The following STRN variants were observed in gnomAD, a reference collection of about 807,000 sequenced individuals.
STRN encodes striatin.
Under a neutral mutation model 96.3 loss-of-function variants are expected in STRN, and 53 were observed. The ratio of observed to expected loss-of-function variants is 0.55; its 90% CI spans 0.44 to 0.69. The LOEUF (loss-of-function observed/expected upper bound fraction) is 0.69, where lower values mean the gene tolerates loss of function less well. Ranked by LOEUF, STRN falls within the 30% of genes least tolerant of loss-of-function variation. STRN has a pLI of 0.00. For synonymous variants in STRN, 428 were observed against 355.9 expected (o/e 1.20, Z -2.28); for missense variants, 987 against 963.9 (o/e 1.02, Z -0.32).
chr2:36,853,087 G>A (rs1052087212), intron 15 of STRN, among the ~76,000 whole-genome samples: 1 of 152,100 alleles, frequency 6.6e-6, no homozygotes, highest in Non-Finnish European at 1.5e-5. Flanking sequence ...AGCCCAGGAG[G>A]TGGAGGTTGC....
chr2:36,850,884 G>T, intron 16 of STRN, 116 bp downstream of exon 16: 1 of 651,082 alleles, frequency 1.5e-6, no homozygotes, highest in African/African-American at 1.8e-5. Flanking sequence ...GAGTATTTGG[G>T]GTTCAGTGCC....
At chr2:36,887,843 G>A (rs1270086643) in intron 7 of STRN, among the ~76,000 whole-genome samples, 1 of 152,152 alleles carries the variant, frequency 6.6e-6, no homozygotes, top group African/African-American at 2.4e-5. Flanking sequence ...ACTATGTTAT[G>A]TATTTATATT....
chr2:36,876,285 A>AT (rs1036942883), intron 10 of STRN, among the ~76,000 whole-genome samples: 7 of 58,610 alleles, frequency 1.2e-4, no homozygotes, highest in Admixed American at 3.6e-4. Flanking sequence ...AAAAAAAAAA[A>AT]TTTTTTTTTT....
chr2:36,849,604 A>G lies in STRN; in HGVS notation c.2195T>C (p.Leu732Ser). 6.2e-7 allele frequency: 1 copy of G among 1,614,160 alleles called. No homozygotes were observed. Among genetic ancestry groups the G allele is most frequent in the Non-Finnish European group, 8.5e-7 (1 of 1,180,000 alleles). Residue 732 changes from leucine (L) to serine (S), a missense_variant, in exon 18 of 18, where the codon TTA (leucine) becomes TCA (serine). Transcript: ENST00000263918. ...ACACGTCTTACTTTCTAGATTCCAT[A>G]AACGTATTGAACAGTCATGACCTAT... ...MSGSHDCSIRLWNLESKTCIQ... is the reference protein window; with the variant it reads ...MSGSHDCSIRSWNLESKTCIQ...
intron 10 of STRN, among the ~76,000 whole-genome samples, chr2:36,876,766 G>C (rs1257756077): frequency 1.7e-5 from 2 of 118,650 alleles, no homozygotes; most frequent in Non-Finnish European, 1.8e-5. Context: ...TTTTTTTTTT[G>C]AGGCGGAGTC....
chr2:36,929,662 T>C (rs1246236170), intron 1 of STRN, among the ~76,000 whole-genome samples: 1 of 152,172 alleles, frequency 6.6e-6, no homozygotes, highest in Non-Finnish European at 1.5e-5. Context: ...GGATTACAGG[T>C]GTGAGCCACC....
chr2:36,874,290 T>G (rs1215376184), intron 10 of STRN, among the ~76,000 whole-genome samples: 1 of 149,642 alleles, frequency 6.7e-6, no homozygotes, highest in Non-Finnish European at 1.5e-5. Context: ...GCAAAAACTG[T>G]AAGACCTCAA....
At chr2:36,865,379 T>A (rs996571320) in intron 12 of STRN, among the ~76,000 whole-genome samples, 3 of 152,180 alleles carry the variant, frequency 2.0e-5, no homozygotes, top group African/African-American at 7.2e-5. Flanking sequence ...TCTTTATTAG[T>A]TTAGCTAGTG....
intron 3 of STRN, among the ~76,000 whole-genome samples, chr2:36,910,643 A>G (rs893833824): frequency 6.6e-6 from 1 of 152,238 alleles, no homozygotes; most frequent in East Asian, 1.9e-4. Flanking sequence ...AAAATATTTG[A>G]TAATTCAAAA....
At chr2:36,866,125 TGTGCAG>T (rs1668616011) in intron 12 of STRN, among the ~76,000 whole-genome samples, 1 of 152,000 alleles carries the variant, frequency 6.6e-6, no homozygotes, top group Non-Finnish European at 1.5e-5. Context: ...CCCAGGCTGG[TGTGCAG>T]TGGCATGACC....
intron 1 of STRN, among the ~76,000 whole-genome samples, chr2:36,938,240 A>T (rs964294686): frequency 3.3e-5 from 5 of 152,054 alleles, no homozygotes; most frequent in Non-Finnish European, 7.4e-5. Flanking sequence ...AGCCTGGCTG[A>T]CATGGCAAAA....
intron 1 of STRN, among the ~76,000 whole-genome samples, chr2:36,938,631 A>G (rs1670766057): frequency 1.3e-5 from 2 of 152,186 alleles, no homozygotes; most frequent in Non-Finnish European, 2.9e-5. Context: ...GCGTTTTTAC[A>G]GTGTTGTCAA....
In STRN at chr2:36,849,186, A is replaced by G. The variant is rs1668155872; in HGVS notation, c.*270T>C. 7.5e-6 allele frequency: 3 copies of G among 400,340 alleles called. No homozygotes were observed. The Admixed American group carries it at 1.2e-4, about 16-fold the overall frequency. 24.8% of individuals were successfully genotyped at this position (400,340 alleles called of 1,614,324 possible). The stretch of plus-strand genomic sequence containing the variant: ...TTCGCTCAGGCCTGCCTAGCGAATT[A>G]GAACCACCTCAGAAATAAAGGCGCC... On this transcript the variant is annotated 3_prime_UTR_variant, in exon 18 of 18. Coordinates refer to ENST00000263918, the MANE Select transcript of STRN (RefSeq NM_003162.4).
intron 12 of STRN, among the ~76,000 whole-genome samples, chr2:36,865,455 T>G (rs979385005): frequency 5.9e-5 from 9 of 152,202 alleles, no homozygotes; most frequent in African/African-American, 2.2e-4. Flanking sequence ...ACGTTTTTTT[T>G]GTGTGTCTCA....
intron 1 of STRN, among the ~76,000 whole-genome samples, chr2:36,941,734 A>G (rs1022685561): frequency 7.6e-6 from 1 of 131,388 alleles, no homozygotes; most frequent in African/African-American, 3.3e-5. Context: ...TTTTTTTTTT[A>G]GTGGAGACGG....
chr2:36,953,003 T>A (rs1390994668), intron 1 of STRN, among the ~76,000 whole-genome samples: 1 of 152,242 alleles, frequency 6.6e-6, no homozygotes, highest in African/African-American at 2.4e-5. Flanking sequence ...GAAACTGGCA[T>A]CACCGTTGTG....
chr2:36,877,924 C>T lies in STRN; in HGVS notation c.1290G>A (p.Thr430=), dbSNP rs758076796. 3.7e-6 allele frequency: 6 copies of T among 1,614,140 alleles called. No homozygotes were observed. Among genetic ancestry groups the T allele is most frequent in the African/African-American group, 1.3e-5 (1 of 75,034 alleles). The change falls in exon 10 of 18, where the codon ACG becomes ACA. Residue 430 remains threonine, a synonymous_variant. Coordinates refer to ENST00000263918, the MANE Select transcript of STRN (RefSeq NM_003162.4). Reference sequence around the variant, plus strand: ...TTAGTGAGTCTGCTTCATTGGCCACCGTAAGGCCTGCTAGTTCTCCAAGTC... The same window carrying T: ...TTAGTGAGTCTGCTTCATTGGCCACTGTAAGGCCTGCTAGTTCTCCAAGTC... ...ELGLGELAGL[T]VANEADSLTY... is the part of the protein sequence containing the mutation.
intron 9 of STRN, among the ~76,000 whole-genome samples, 166 bp downstream of exon 9, chr2:36,883,766 G>C (rs1669139774): frequency 6.6e-6 from 1 of 152,092 alleles, no homozygotes. Flanking sequence ...ATTGAAGTTG[G>C]AATCAAACTC....
At chr2:36,956,989 T>C (rs2148276008) in intron 1 of STRN, among the ~76,000 whole-genome samples, 1 of 152,302 alleles carries the variant, frequency 6.6e-6, no homozygotes, top group African/African-American at 2.4e-5. Flanking sequence ...GAAGGAATTA[T>C]CTGGCCAAAA....
Sources: gnomAD v4.1 joint callset for allele counts (sites outside exome capture counted in the v4.1 genomes callset) on GRCh38, gnomAD v4.1.1 for gene constraint, MANE v1.5 for transcripts, NCBI Gene and HGNC (gene_info 2026-07-23, HGNC 2026-07-21) for gene names.